The following NPAS3 variants were observed in gnomAD, a reference collection of about 807,000 sequenced individuals.
The protein encoded by NPAS3 is neuronal PAS domain-containing protein 3.
Under a neutral mutation model 73.1 loss-of-function variants are expected in NPAS3, and 14 were observed. The ratio of observed to expected loss-of-function variants is 0.19; its 90% confidence interval spans 0.13 to 0.30. The LOEUF (loss-of-function observed/expected upper bound fraction) is 0.30. Ranked by LOEUF, NPAS3 falls within the 10% of genes least tolerant of loss-of-function variation. The probability of loss-of-function intolerance (pLI) is 1.00; values close to 1 mark genes in which losing one functional copy is unlikely to be tolerated. For missense variants in NPAS3, 1,096 were observed against 1,250.0 expected, an observed-to-expected ratio of 0.88 and a Z score of 1.86; for synonymous variants, 620 against 541.5, an observed-to-expected ratio of 1.14 and a Z score of -2.01.
At chr14:33,374,346 G>T (rs367891861) in intron 4 of NPAS3, among the ~76,000 whole-genome samples, 78 of 152,132 alleles carry the variant, frequency 5.1e-4, no homozygotes, top group African/African-American at 1.6e-3. Flanking sequence ...AAATTTCTAC[G>T]TTTCTTCTGT....
At position 33,590,021 on chromosome 14, in the gene NPAS3, A is replaced by G. The variant is rs77024167; in HGVS notation, c.558+29811A>G. Among the ~76,000 whole-genome samples the G allele has an allele frequency of 0.013, 2,038 of 152,352 alleles. 109 individuals are homozygous for G. The East Asian group carries it at 0.2, about 15-fold the overall frequency. ...AAAACCCAAATGTGCTGAGATTTAC[A>G]ACAGACCCCAAAAGACAACATGAAT... On this transcript the variant is annotated intron_variant, in intron 5 of 11. Coordinates refer to ENST00000356141, the Ensembl canonical transcript of NPAS3.
At chr14:33,517,517 T>C (rs191132635) in intron 4 of NPAS3, among the ~76,000 whole-genome samples, 201 of 152,010 alleles carry the variant, frequency 1.3e-3, no homozygotes, top group African/African-American at 4.5e-3. Flanking sequence ...TTCTCATGGG[T>C]GTATTGCTGT....
At chr14:33,020,449 AAAATCCAGTG>A (rs1358791863) in intron 1 of NPAS3, among the ~76,000 whole-genome samples, 1 of 152,244 alleles carries the variant, frequency 6.6e-6, no homozygotes, top group Non-Finnish European at 1.5e-5. Flanking sequence ...TAATGCAGGG[AAAATCCAGTG>A]AAATAATTAG....
intron 1 of NPAS3, among the ~76,000 whole-genome samples, chr14:32,972,898 A>G (rs565060111): frequency 2.6e-5 from 4 of 152,288 alleles, no homozygotes; most frequent in Admixed American, 1.3e-4. Context: ...CACACACACA[A>G]TGGACAACCG....
At chr14:33,090,684 A>G (rs1444512415) in intron 2 of NPAS3, among the ~76,000 whole-genome samples, 1 of 152,232 alleles carries the variant, frequency 6.6e-6, no homozygotes, top group Non-Finnish European at 1.5e-5. Flanking sequence ...CTCCAAATCA[A>G]CAGAATATAC....
intron 4 of NPAS3, among the ~76,000 whole-genome samples, chr14:33,538,644 G>A (rs2054363230): frequency 6.6e-6 from 1 of 152,210 alleles, no homozygotes; most frequent in Admixed American, 6.5e-5. Flanking sequence ...AGATAGCACT[G>A]ACAAGTATTT....
intron 3 of NPAS3, among the ~76,000 whole-genome samples, chr14:33,350,905 A>G (rs2045012852): frequency 6.6e-6 from 1 of 152,214 alleles, no homozygotes; most frequent in African/African-American, 2.4e-5. Flanking sequence ...ATGCACTGGC[A>G]CAAATCAGGT....
intron 6 of NPAS3, among the ~76,000 whole-genome samples, chr14:33,723,713 T>C (rs1276635474): frequency 1.9e-4 from 1 of 5,382 alleles, no homozygotes; most frequent in African/African-American, 4.3e-4. Flanking sequence ...ATACTTCCTC[T>C]CAAAAAAAAA....
intron 1 of NPAS3, among the ~76,000 whole-genome samples, chr14:33,046,670 C>T (rs1224228585): frequency 6.6e-6 from 1 of 152,108 alleles, no homozygotes; most frequent in East Asian, 1.9e-4. Context: ...GTACTTCCAG[C>T]AGGGTATATA....
chr14:33,223,561 G>A (rs965852828), intron 3 of NPAS3, among the ~76,000 whole-genome samples: 1 of 152,046 alleles, frequency 6.6e-6, no homozygotes, highest in African/African-American at 2.4e-5. Flanking sequence ...TTTTCTTTTT[G>A]TCAGTGATTC....
chr14:33,680,106 G>GTTTTC (rs1198957907), intron 6 of NPAS3, among the ~76,000 whole-genome samples: 1 of 152,060 alleles, frequency 6.6e-6, no homozygotes, highest in Non-Finnish European at 1.5e-5. Flanking sequence ...CATTTGGAGG[G>GTTTTC]TTTTCTTTTT....
intron 4 of NPAS3, among the ~76,000 whole-genome samples, chr14:33,536,258 T>C (rs993776465): frequency 7.2e-5 from 11 of 152,354 alleles, no homozygotes; most frequent in African/African-American, 2.6e-4. Flanking sequence ...GAAATTCTTA[T>C]TTGTAATTTT....
At chr14:33,273,564 T>C (rs28483862) in intron 3 of NPAS3, among the ~76,000 whole-genome samples, 155 of 152,312 alleles carry the variant, frequency 1.0e-3, no homozygotes, top group African/African-American at 3.3e-3. Flanking sequence ...ATCTGGCCCT[T>C]CTAAGAGATA....
intron 1 of NPAS3, among the ~76,000 whole-genome samples, chr14:33,000,897 G>GA (rs1183824228): frequency 2.6e-5 from 4 of 152,196 alleles, no homozygotes; most frequent in South Asian, 2.1e-4. Flanking sequence ...TAGGAAGTAA[G>GA]AATGAAATGA....
At chr14:33,323,640 CTT>C (rs2043559925) in intron 3 of NPAS3, among the ~76,000 whole-genome samples, 1 of 152,202 alleles carries the variant, frequency 6.6e-6, no homozygotes, top group Admixed American at 6.5e-5. Context: ...GAAAAGGACT[CTT>C]AGAATACAAG....
intron 2 of NPAS3, among the ~76,000 whole-genome samples, chr14:33,110,911 A>G (rs2042871475): frequency 6.6e-6 from 1 of 152,186 alleles, no homozygotes; most frequent in South Asian, 2.1e-4. Flanking sequence ...CAGTTGTGGG[A>G]AGCAGGCACT....
chr14:33,027,816 A>G (rs2039859587), intron 1 of NPAS3, among the ~76,000 whole-genome samples: 1 of 152,200 alleles, frequency 6.6e-6, no homozygotes, highest in Non-Finnish European at 1.5e-5. Flanking sequence ...GGGAGGCTGA[A>G]CTAACTTGTA....
At chr14:33,516,130 G>A (rs943205492) in intron 4 of NPAS3, among the ~76,000 whole-genome samples, 1 of 152,066 alleles carries the variant, frequency 6.6e-6, no homozygotes, top group African/African-American at 2.4e-5. Flanking sequence ...ACTAAATTAA[G>A]CACCTTTGCC....
At chr14:33,268,232 T>G (rs1377369712) in intron 3 of NPAS3, among the ~76,000 whole-genome samples, 1 of 152,170 alleles carries the variant, frequency 6.6e-6, no homozygotes, top group African/African-American at 2.4e-5. Flanking sequence ...ATCTGAAGTC[T>G]TGGAGCCTGC....
Sources: allele counts gnomAD v4.1 joint callset (sites outside exome capture counted in the v4.1 genomes callset), GRCh38; gene constraint gnomAD v4.1.1; transcripts MANE v1.5; gene names NCBI Gene and HGNC (gene_info 2026-07-23, HGNC 2026-07-21).